Variants in ADAMTSL1 observed in about 807,000 individuals in gnomAD.
The protein encoded by ADAMTSL1 is ADAMTS like 1.
A neutral mutation model predicts 201.8 loss-of-function variants in ADAMTSL1; 126 were observed. That is an observed-to-expected ratio of 0.62 (90% CI 0.54 to 0.72). The LOEUF is 0.72. Ranked by LOEUF, ADAMTSL1 falls within the 30% of genes least tolerant of loss-of-function variation. The probability of loss-of-function intolerance (pLI) is 0.00; values close to 1 mark genes in which losing one functional copy is unlikely to be tolerated. For missense variants in ADAMTSL1, 2,679 were observed against 2,277.8 expected (o/e 1.18, Z -3.59); for synonymous variants, 1,121 against 903.4 (o/e 1.24, Z -4.32).
intron 5 of ADAMTSL1, among the ~76,000 whole-genome samples, chr9:18,634,911 T>TATATAAATATGTAAGTAAATATATATTTA (rs1554719412): frequency 1.2e-5 from 1 of 81,438 alleles, no homozygotes; most frequent in Admixed American, 1.1e-4. Flanking sequence ...ATATATTTAA[T>TATATAAATATGTAAGTAAATATATATTTA]ATATATATAT....
rs541582675 is a variant in ADAMTSL1, at chr9:18,284,292, C to A, written c.207+120311C>A. The stretch of plus-strand genomic sequence containing the variant: ...TTTAGATAAAAAATAGATGATGATA[C>A]CACCACAGTTGCTTTTTATTTTCCC... On this transcript the variant is annotated intron_variant, in intron 2 of 29. Coordinates refer to the ADAMTSL1 transcript ENST00000680146. Among the ~76,000 whole-genome samples, 12 of 152,016 alleles carry A rather than the reference C, an allele frequency of 7.9e-5. No individual in the cohort carries two copies. The South Asian group carries it at 2.5e-3, about 32-fold the overall frequency.
intron 1 of ADAMTSL1, among the ~76,000 whole-genome samples, chr9:17,934,237 C>G (rs1333212192): frequency 6.6e-6 from 1 of 152,056 alleles, no homozygotes; most frequent in African/African-American, 2.4e-5. Context: ...AGGTAATTCC[C>G]CCATAAACTC....
intron 2 of ADAMTSL1, among the ~76,000 whole-genome samples, chr9:18,428,935 G>A (rs1003707750): frequency 1.3e-5 from 2 of 152,144 alleles, no homozygotes; most frequent in Non-Finnish European, 1.5e-5. Flanking sequence ...AATTGTCGGT[G>A]TATAAACGTC....
chr9:18,683,248 G>A (rs10738514), intron 12 of ADAMTSL1, among the ~76,000 whole-genome samples: 57,780 of 145,340 alleles, frequency 0.4, 11,873 homozygotes, highest in East Asian at 0.56. Context: ...TTTTTGAGAC[G>A]GAGTCTCACT....
chr9:18,582,052 A>C (rs1378974937), intron 4 of ADAMTSL1, among the ~76,000 whole-genome samples: 1 of 152,212 alleles, frequency 6.6e-6, no homozygotes, highest in Non-Finnish European at 1.5e-5. Context: ...AAGCCATCAA[A>C]CAAGGGGGTC....
At position 18,772,127 on chromosome 9, in the gene ADAMTSL1, C is replaced by T. The variant is rs371621265; in HGVS notation, c.2397+1346C>T. 8.5e-5 allele frequency among the ~76,000 whole-genome samples: 13 copies of T among 152,088 alleles called. No homozygotes were observed. In the East Asian group the frequency reaches 9.7e-4, roughly 11 times the overall value. On this transcript the variant is annotated intron_variant, in intron 17 of 28. Coordinates refer to ENST00000380548, the MANE Select transcript of ADAMTSL1 (RefSeq NM_001040272.6). ...ATGTGCATGTTAGTGACAATTTTTC[C>T]GTGGGAATGTTGATTTGGGGTATGG... is the stretch of plus-strand genomic sequence containing the variant.
chr9:18,489,962 C>G, intron 1 of ADAMTSL1, among the ~76,000 whole-genome samples: 1 of 152,170 alleles, frequency 6.6e-6, no homozygotes, highest in East Asian at 1.9e-4. Flanking sequence ...TTATGAGGAT[C>G]AAATAAGTAC....
intron 1 of ADAMTSL1, among the ~76,000 whole-genome samples, chr9:18,498,418 C>T (rs774089700): frequency 1.3e-5 from 2 of 149,866 alleles, no homozygotes; most frequent in African/African-American, 2.5e-5. Flanking sequence ...CTCACTGCAA[C>T]CTTCACCTCC....
At chr9:18,386,944 A>C (rs1837819020) in intron 2 of ADAMTSL1, among the ~76,000 whole-genome samples, 1 of 152,120 alleles carries the variant, frequency 6.6e-6, no homozygotes, top group African/African-American at 2.4e-5. Flanking sequence ...GCTTTCATGG[A>C]CAAAAATCAA....
At chr9:18,058,099 G>T (rs1279825698) in intron 1 of ADAMTSL1, among the ~76,000 whole-genome samples, 1 of 152,226 alleles carries the variant, frequency 6.6e-6, no homozygotes, top group Non-Finnish European at 1.5e-5. Context: ...ATAGGTAAAG[G>T]AGTGGATAGA....
rs544222156 is a variant in ADAMTSL1, at chr9:18,853,839, C to T, written c.4249+23862C>T. On this transcript the variant is annotated intron_variant, in intron 23 of 28. Transcript: ENST00000380548. ...GGAACACCAAGCAAAGAGATAAGTT[C>T]CTGTTCTAAGTCCAGTACTTGGCCT... Among the ~76,000 whole-genome samples the T allele has an allele frequency of 2.0e-5, 3 of 151,280 alleles. No individual in the cohort carries two copies. In the East Asian group the frequency reaches 5.8e-4, roughly 29 times the overall value.
At chr9:18,145,919 C>A (rs1315361223) in intron 1 of ADAMTSL1, among the ~76,000 whole-genome samples, 1 of 151,944 alleles carries the variant, frequency 6.6e-6, no homozygotes, top group African/African-American at 2.4e-5. Flanking sequence ...AACAAACAGG[C>A]AAAAACTTGA....
chr9:18,840,918 A>G (rs1409327947), intron 23 of ADAMTSL1, among the ~76,000 whole-genome samples: 3 of 148,298 alleles, frequency 2.0e-5, no homozygotes, highest in Non-Finnish European at 4.5e-5. Flanking sequence ...GTTGCTTATC[A>G]GCTTAAGGAG....
chr9:17,948,948 G>T (rs1054800817), intron 1 of ADAMTSL1, among the ~76,000 whole-genome samples: 3 of 152,120 alleles, frequency 2.0e-5, no homozygotes, highest in African/African-American at 4.8e-5. Context: ...AGAAACTGAG[G>T]ATGAGCCAGT....
chr9:18,839,625 G>A (rs1825581905), intron 23 of ADAMTSL1, among the ~76,000 whole-genome samples: 1 of 152,190 alleles, frequency 6.6e-6, no homozygotes, highest in South Asian at 2.1e-4. Flanking sequence ...TTCCACAATG[G>A]ATGAACTAGT....
At chr9:18,283,571 A>ACTCC (rs1832874557) in intron 2 of ADAMTSL1, among the ~76,000 whole-genome samples, 1 of 147,908 alleles carries the variant, frequency 6.8e-6, no homozygotes, top group African/African-American at 2.5e-5. Flanking sequence ...GCACCACTGC[A>ACTCC]AACCACAGTG....
chr9:17,999,582 C>G (rs1371875529), intron 1 of ADAMTSL1, among the ~76,000 whole-genome samples: 1 of 148,642 alleles, frequency 6.7e-6, no homozygotes, highest in East Asian at 1.9e-4. Context: ...TTTAGTGTGC[C>G]CCCCAGAAAA....
At position 18,661,948 on chromosome 9, in the gene ADAMTSL1, A is replaced by G. The variant is rs376273773; in HGVS notation, c.960A>G (p.Thr320=). The G allele has an allele frequency of 1.1e-5, 17 of 1,613,410 alleles. No individual in the cohort carries two copies. The highest frequency in any genetic ancestry group is 1.4e-5 in the Non-Finnish European group (16 of 1,179,758). The change falls in exon 9 of 29, where the codon ACA becomes ACG. Residue 320 remains threonine, a synonymous_variant. Coordinates refer to ENST00000380548, the MANE Select transcript of ADAMTSL1 (RefSeq NM_001040272.6). ...TTGATACTACAGGTTATCAGCTGAC[A>G]TCGGCTGAGTGCTACGATCTGAGGA... ...SATCGGGYQL[T]SAECYDLRSN...
intron 2 of ADAMTSL1, among the ~76,000 whole-genome samples, chr9:18,195,183 C>T (rs1217598135): frequency 6.6e-6 from 1 of 152,120 alleles, no homozygotes; most frequent in Non-Finnish European, 1.5e-5. Context: ...GTCCATCAAA[C>T]AGTAAAATTC....
Sources: gnomAD v4.1 joint callset for allele counts (sites outside exome capture counted in the v4.1 genomes callset) on GRCh38, gnomAD v4.1.1 for gene constraint, MANE v1.5 for transcripts, NCBI Gene and HGNC (gene_info 2026-07-23, HGNC 2026-07-21) for gene names.